The following SCARA5 variants were observed in gnomAD, a reference collection of about 807,000 sequenced individuals.
The protein encoded by SCARA5 is scavenger receptor class A, member 5 (putative).
Under a neutral mutation model 46.3 loss-of-function variants are expected in SCARA5, and 45 were observed. The observed-to-expected ratio is 0.97, with a 90% CI of 0.76 to 1.24. The LOEUF is 1.24. SCARA5 is among the 50% of genes most tolerant of loss of function. The probability of loss-of-function intolerance (pLI) is 0.00; values close to 1 mark genes in which losing one functional copy is unlikely to be tolerated. For missense variants in SCARA5, 680 were observed against 689.0 expected, an observed-to-expected ratio of 0.99 and a Z score of 0.15; for synonymous variants, 333 against 306.5, an observed-to-expected ratio of 1.09 and a Z score of -0.90.
intron 3 of SCARA5, among the ~76,000 whole-genome samples, chr8:27,959,783 A>C (rs1808265973): frequency 6.6e-6 from 1 of 152,230 alleles, no homozygotes; most frequent in South Asian, 2.1e-4. Context: ...GAAAAGCACA[A>C]CACCATGTCT....
At chr8:27,899,599 C>G (rs996773820) in intron 7 of SCARA5, among the ~76,000 whole-genome samples, 11 of 152,228 alleles carry the variant, frequency 7.2e-5, no homozygotes, top group African/African-American at 2.7e-4. Flanking sequence ...AAGGCTCCGC[C>G]ATTACAATCC....
At chr8:27,961,234 A>G (rs906059447) in intron 3 of SCARA5, among the ~76,000 whole-genome samples, 2 of 152,332 alleles carry the variant, frequency 1.3e-5, no homozygotes, top group African/African-American at 4.8e-5. Context: ...TCTTTGGACC[A>G]TGGGGGTGGA....
intron 8 of SCARA5, among the ~76,000 whole-genome samples, chr8:27,873,463 C>T (rs978226512): frequency 3.9e-5 from 6 of 152,232 alleles, no homozygotes; most frequent in Middle Eastern, 3.4e-3. Flanking sequence ...TAAAAATGGC[C>T]GGTTCCTGCC....
At position 27,871,953 on chromosome 8, in the gene SCARA5, A is replaced by G; in HGVS notation, c.1469T>C (p.Val490Ala). Residue 490 changes from valine (V) to alanine (A), a missense_variant, in exon 9 of 9, where the codon GTG (valine) becomes GCG (alanine). By Grantham distance (64) the Val-to-Ala change is moderately conservative. Coordinates refer to ENST00000354914, the MANE Select transcript of SCARA5 (RefSeq NM_173833.6). ...TNCGHAEDAS[V>A]TCNRH ...CCACTTTCAGTGTCTGTTGCATGTC[A>G]CGCTGGCATCTTCGGCATGTCCACA... 4 of 1,614,166 alleles carry G rather than the reference A, an allele frequency of 2.5e-6. No individual in the cohort carries two copies. The highest frequency in any genetic ancestry group is 3.4e-6 in the Non-Finnish European group (4 of 1,180,024).
At chr8:27,879,894 T>G in intron 7 of SCARA5, 128 bp from the exon 8 acceptor site, 2 of 831,324 alleles carry the variant, frequency 2.4e-6, no homozygotes, top group Non-Finnish European at 3.7e-6. Flanking sequence ...GTATCAAGAC[T>G]TCAGCCCCCA....
chr8:27,939,251 C>T (rs1320783756), intron 3 of SCARA5, among the ~76,000 whole-genome samples: 1 of 152,166 alleles, frequency 6.6e-6, no homozygotes, highest in Non-Finnish European at 1.5e-5. Context: ...GCCCCTTCTC[C>T]CTGCTCATGA....
chr8:27,942,326 G>A (rs1339593123), intron 3 of SCARA5, among the ~76,000 whole-genome samples: 2 of 152,140 alleles, frequency 1.3e-5, no homozygotes, highest in African/African-American at 2.4e-5. Flanking sequence ...TCACGATGGT[G>A]GCCCCCACTA....
chr8:27,981,534 C>T (rs936492466), intron 2 of SCARA5, among the ~76,000 whole-genome samples: 2 of 152,224 alleles, frequency 1.3e-5, no homozygotes, highest in Admixed American at 1.3e-4. Flanking sequence ...CCGGGGCTCC[C>T]CCGTGAGTTG....
In SCARA5 at chr8:27,987,642, G is replaced by C. The variant is rs111455590; in HGVS notation, c.-15-12C>G. 2 of 1,514,348 alleles carry C rather than the reference G, an allele frequency of 1.3e-6. No homozygotes were observed. Among genetic ancestry groups the C allele is most frequent in the Non-Finnish European group, 1.8e-6 (2 of 1,089,104 alleles). 93.8% of individuals were successfully genotyped at this position (1,514,348 alleles called of 1,614,324 possible). A position where few individuals can be genotyped will look rare whatever the true frequency, so the allele number is the denominator to read the frequency against. On this transcript the variant is annotated splice_polypyrimidine_tract_variant and intron_variant, in intron 1 of 8. Coordinates refer to ENST00000354914, the MANE Select transcript of SCARA5 (RefSeq NM_173833.6). ...ACACCCTGCAACAGCTGCAGAGAAG[G>C]CAAGAGGGGAGGAGAGGGAGGACGA...
chr8:27,945,746 A>C (rs1298297057), intron 3 of SCARA5, among the ~76,000 whole-genome samples: 1 of 152,218 alleles, frequency 6.6e-6, no homozygotes, highest in East Asian at 1.9e-4. Flanking sequence ...GCCTGATTTG[A>C]CCTCACATAG....
At chr8:27,911,171 C>T (rs1318477150) in intron 4 of SCARA5, among the ~76,000 whole-genome samples, 1 of 152,238 alleles carries the variant, frequency 6.6e-6, no homozygotes, top group Non-Finnish European at 1.5e-5. Context: ...GCAAAAACCT[C>T]TCTGACCCAG....
chr8:27,898,899 CACAGAA>C, intron 7 of SCARA5, among the ~76,000 whole-genome samples: 1 of 1,336 alleles, frequency 7.5e-4, no homozygotes, highest in East Asian at 0.1. Flanking sequence ...CAGTGCTGAA[CACAGAA>C]CACATCGAGG....
intron 2 of SCARA5, among the ~76,000 whole-genome samples, chr8:27,969,491 G>A (rs775235645): frequency 1.1e-4 from 16 of 152,212 alleles, no homozygotes; most frequent in Non-Finnish European, 2.2e-4. Flanking sequence ...GGTTGCCAGG[G>A]ATTGGGAGGG....
intron 5 of SCARA5, 38 bp downstream of exon 5, chr8:27,909,625 G>C: frequency 7.3e-7 from 1 of 1,377,568 alleles, no homozygotes. Context: ...ATGGATTGGG[G>C]ATCTCTCCCA....
chr8:27,886,894 A>G (rs1249111282), intron 7 of SCARA5, among the ~76,000 whole-genome samples: 1 of 151,500 alleles, frequency 6.6e-6, no homozygotes, highest in Non-Finnish European at 1.5e-5. Flanking sequence ...CTTCCCCAAG[A>G]CTCTTCCTGT....
intron 4 of SCARA5, among the ~76,000 whole-genome samples, chr8:27,916,720 C>G (rs764958439): frequency 1.3e-5 from 2 of 152,218 alleles, no homozygotes; most frequent in Non-Finnish European, 2.9e-5. Context: ...TACCAGGCAC[C>G]TGGCAACAGA....
rs138133078 is a variant in SCARA5 at position 27,930,522 on chromosome 8, C to G, written c.242-8277G>C. ...GGTTCAAGCCATTATCCTGCCTCAG[C>G]CTCCGGAGTAGCTGGGATTACAGGC... is the stretch of plus-strand genomic sequence containing the variant. On this transcript the variant is annotated intron_variant, in intron 3 of 8. Coordinates refer to ENST00000354914, the MANE Select transcript of SCARA5 (RefSeq NM_173833.6). Among the ~76,000 whole-genome samples, 331 of 152,190 alleles carry G rather than the reference C, an allele frequency of 2.2e-3. 15 individuals are homozygous for G. The East Asian group carries it at 0.052, about 24-fold the overall frequency.
At chr8:27,978,116 T>A (rs1381814812) in intron 2 of SCARA5, among the ~76,000 whole-genome samples, 1 of 143,132 alleles carries the variant, frequency 7.0e-6, no homozygotes. Flanking sequence ...AACCTCTGCC[T>A]CCCAGGTTCA....
At chr8:27,974,895 T>A (rs1017339638) in intron 2 of SCARA5, among the ~76,000 whole-genome samples, 2 of 138,744 alleles carry the variant, frequency 1.4e-5, no homozygotes, top group Non-Finnish European at 3.1e-5. Flanking sequence ...GAAGTCTATA[T>A]CATCCTGGTC....
Sources: allele counts gnomAD v4.1 joint callset (sites outside exome capture counted in the v4.1 genomes callset), GRCh38; gene constraint gnomAD v4.1.1; transcripts MANE v1.5; gene names NCBI Gene and HGNC (gene_info 2026-07-23, HGNC 2026-07-21).